Variants in PAM observed in about 807,000 individuals in gnomAD.
The protein encoded by PAM is peptidyl-glycine alpha-amidating monooxygenase.
Under a neutral mutation model 122.1 loss-of-function variants are expected in PAM, and 72 were observed. The observed-to-expected ratio is 0.59, with a 90% CI of 0.49 to 0.72. The LOEUF is 0.72. Among genes scored for constraint, PAM ranks in the 30% least tolerant of loss-of-function variants. The pLI is 0.00. For missense variants in PAM, 1,106 were observed against 1,183.7 expected (o/e 0.93, Z 0.96); for synonymous variants, 389 against 404.4 (o/e 0.96, Z 0.46).
In PAM at chr5:103,028,994, GAGGATGATGGA is replaced by G; in HGVS notation, c.2854_2864del (p.Asp952Ter). ...CACTGAGGGCAGTGACCAAGAGAAA[GAGGATGATGGA>G]AGTGAATCAGAAGAGGAGTATTCAG... On this transcript the variant is annotated frameshift_variant, in exon 26 of 26. Coordinates refer to ENST00000438793, the MANE Select transcript of PAM (RefSeq NM_001177306.2). LOFTEE classifies it high-confidence loss of function. 1 of 1,613,850 alleles carries G rather than the reference GAGGATGATGGA, an allele frequency of 6.2e-7. No individual in the cohort carries two copies. The highest frequency in any genetic ancestry group is 1.1e-5 in the South Asian group (1 of 91,062).
intron 1 of PAM, among the ~76,000 whole-genome samples, chr5:102,839,041 C>T (rs563167909): frequency 6.6e-6 from 1 of 152,110 alleles, no homozygotes; most frequent in Non-Finnish European, 1.5e-5. Context: ...ATCATACACA[C>T]AGATGCGTAT....
Position 102,803,178 on chromosome 5 carries a change from G to A in PAM, c.-374+47830G>A, listed in dbSNP as rs867439720. Among the ~76,000 whole-genome samples, 29 of 14,302 alleles carry A rather than the reference G, an allele frequency of 2.0e-3. 1 individual carries two copies. The highest frequency in any genetic ancestry group is 8.7e-3 in the African/African-American group (29 of 3,338). 9.4% of individuals were successfully genotyped at this position (14,302 alleles called of 152,430 possible). On this transcript the variant is annotated intron_variant, in intron 1 of 25. Transcript: ENST00000438793. ...GGAAGGAAGGAAGGAAGGAAGGAAG[G>A]AAGGAAGGAAGGAAGGAAGGAAGGA...
intron 1 of PAM, among the ~76,000 whole-genome samples, chr5:102,766,926 A>ATTTTTTTTTTTTT: frequency 0.025 from 634 of 25,868 alleles, 253 homozygotes; most frequent in East Asian, 0.04. Context: ...TCAGTTGTGG[A>ATTTTTTTTTTTTT]TTTTTTTTTT....
chr5:102,969,413 A>G (rs1765145008), intron 14 of PAM, among the ~76,000 whole-genome samples: 1 of 152,154 alleles, frequency 6.6e-6, no homozygotes, highest in African/African-American at 2.4e-5. Flanking sequence ...AGTTCCGTAG[A>G]GGTAGAGCCA....
At chr5:102,850,691 A>C (rs1308626640) in intron 1 of PAM, among the ~76,000 whole-genome samples, 2 of 152,154 alleles carry the variant, frequency 1.3e-5, no homozygotes, top group African/African-American at 4.8e-5. Context: ...GGTGGACAGT[A>C]CTTGACTTCC....
At chr5:102,807,847 T>C (rs1245499689) in intron 1 of PAM, among the ~76,000 whole-genome samples, 2 of 152,298 alleles carry the variant, frequency 1.3e-5, no homozygotes, top group African/African-American at 2.4e-5. Flanking sequence ...GAGCTTCAGA[T>C]GTGAGGGGAA....
intron 1 of PAM, among the ~76,000 whole-genome samples, chr5:102,758,073 GTTTTTTTTTTTTTTTTTTTTTT>G (rs1168917285): frequency 4.0e-5 from 1 of 24,814 alleles, no homozygotes; most frequent in Non-Finnish European, 9.0e-5. Flanking sequence ...TTAGAATTTT[GTTTTTTTTTTTTTTTTTTTTTT>G]TTTTTTTTTT....
intron 3 of PAM, among the ~76,000 whole-genome samples, chr5:102,874,618 A>G (rs1318606183): frequency 6.6e-6 from 1 of 151,934 alleles, no homozygotes; most frequent in Non-Finnish European, 1.5e-5. Context: ...ATTATTTTCA[A>G]TCAATTTTGA....
intron 14 of PAM, among the ~76,000 whole-genome samples, chr5:102,973,799 AT>A (rs1766663983): frequency 1.4e-5 from 2 of 145,508 alleles, no homozygotes. Flanking sequence ...TAGAAATCTG[AT>A]GAGCTCTTAA....
At chr5:102,811,901 G>A (rs1033807572) in intron 1 of PAM, among the ~76,000 whole-genome samples, 5 of 152,172 alleles carry the variant, frequency 3.3e-5, no homozygotes, top group Admixed American at 1.3e-4. Context: ...TGGGAGTCTC[G>A]TAAAGTGACA....
chr5:103,030,814 A>G (rs1160798767), downstream of PAM: 7 of 152,242 alleles, frequency 4.6e-5, no homozygotes, highest in African/African-American at 1.2e-4. Context: ...TTGGCTTACA[A>G]TGGAATACAG....
intron 5 of PAM, among the ~76,000 whole-genome samples, chr5:102,923,390 G>A (rs556081139): frequency 9.9e-5 from 15 of 152,268 alleles, no homozygotes; most frequent in Admixed American, 2.6e-4. Flanking sequence ...CAGGTCAGGG[G>A]CAGTGTACAT....
intron 23 of PAM, among the ~76,000 whole-genome samples, chr5:103,020,117 T>C (rs1340871998): frequency 6.6e-6 from 1 of 152,038 alleles, no homozygotes. Flanking sequence ...GAGCCAGAGA[T>C]ATTCCGAGAA....
At chr5:102,851,227 G>A (rs1278725616) in intron 1 of PAM, among the ~76,000 whole-genome samples, 2 of 152,164 alleles carry the variant, frequency 1.3e-5, no homozygotes, top group African/African-American at 4.8e-5. Context: ...AGATTCAGGA[G>A]TGTGAGTGAA....
intron 1 of PAM, among the ~76,000 whole-genome samples, chr5:102,798,859 G>T (rs1457516372): frequency 2.0e-5 from 3 of 152,162 alleles, no homozygotes; most frequent in African/African-American, 7.2e-5. Flanking sequence ...TTTTCTGTCT[G>T]TATCGTGTTT....
intron 1 of PAM, among the ~76,000 whole-genome samples, chr5:102,761,656 A>G (rs533945433): frequency 6.6e-6 from 1 of 152,252 alleles, no homozygotes; most frequent in Admixed American, 6.5e-5. Flanking sequence ...GTAACATTTT[A>G]CTTATATAAA....
chr5:102,800,015 C>G (rs1764280697), intron 1 of PAM, among the ~76,000 whole-genome samples: 1 of 152,218 alleles, frequency 6.6e-6, no homozygotes, highest in Non-Finnish European at 1.5e-5. Flanking sequence ...TCCTCTACCA[C>G]AAGCTCCATT....
intron 3 of PAM, among the ~76,000 whole-genome samples, chr5:102,877,916 G>C (rs1789738820): frequency 6.6e-6 from 1 of 151,996 alleles, no homozygotes; most frequent in African/African-American, 2.4e-5. Context: ...TGTAGTCCTA[G>C]CTACTCAGGA....
At position 102,866,191 on chromosome 5, in the gene PAM, T is replaced by C. The variant is rs201038016; in HGVS notation, c.-5T>C. The C allele has an allele frequency of 7.1e-4, 1,136 of 1,608,952 alleles. 15 individuals carry two copies. In the South Asian group the frequency reaches 9.7e-3, roughly 14 times the overall value. On this transcript the variant is annotated 5_prime_UTR_variant, in exon 2 of 26. Coordinates refer to ENST00000438793, the MANE Select transcript of PAM (RefSeq NM_001177306.2). ...CTCTCCCGGCGGGGTCGTATCGGCG[T>C]GGACATGGCTGGCCGCGTCCCTAGC...
Sources: allele counts gnomAD v4.1 joint callset (sites outside exome capture counted in the v4.1 genomes callset), GRCh38; gene constraint gnomAD v4.1.1; transcripts MANE v1.5; gene names NCBI Gene and HGNC (gene_info 2026-07-23, HGNC 2026-07-21).